RALY: variants seen among roughly 807,000 people sequenced by gnomAD.
RALY encodes the protein RNA-binding protein Raly.
Under a neutral mutation model 30.7 loss-of-function variants are expected in RALY, and 15 were observed. That is an observed-to-expected ratio of 0.49 (90% CI 0.33 to 0.75). The LOEUF (loss-of-function observed/expected upper bound fraction) is 0.75. Among genes scored for constraint, RALY ranks in the 30% least tolerant of loss-of-function variants. RALY has a pLI of 0.02. For missense variants in RALY, 339 were observed against 414.3 expected, an observed-to-expected ratio of 0.82 and a Z score of 1.58; for synonymous variants, 177 against 170.8, an observed-to-expected ratio of 1.04 and a Z score of -0.28.
intron 1 of RALY, among the ~76,000 whole-genome samples, chr20:34,025,690 A>ATTTT (rs1407375037): frequency 3.3e-5 from 5 of 151,764 alleles, no homozygotes; most frequent in Admixed American, 6.6e-5. Flanking sequence ...CTATTTTAAA[A>ATTTT]AAAAAAAAAA....
chr20:34,020,675 G>A (rs144464344), intron 1 of RALY, among the ~76,000 whole-genome samples: 1 of 152,348 alleles, frequency 6.6e-6, no homozygotes, highest in East Asian at 1.9e-4. Flanking sequence ...GTTCATCCAT[G>A]ATTGCTTTTG....
chr20:33,995,454 T>G (rs2122950050), intron 1 of RALY, among the ~76,000 whole-genome samples: 1 of 152,322 alleles, frequency 6.6e-6, no homozygotes, highest in South Asian at 2.1e-4. Flanking sequence ...TTCAAACAAA[T>G]ATTACTCCTA....
rs1346287796 is a variant in RALY, at chr20:34,078,386, T to C, written c.877-119T>C. Reference sequence around the variant, plus strand: ...ATTCCCCTTGGCTGTTCCTGCGTCTTCTGACTGTGTCCTCTAGATGCCCTC... The same window carrying C: ...ATTCCCCTTGGCTGTTCCTGCGTCTCCTGACTGTGTCCTCTAGATGCCCTC... On this transcript the variant is annotated intron_variant, in intron 8 of 9. Transcript: ENST00000246194. 3 of 855,492 alleles carry C rather than the reference T, an allele frequency of 3.5e-6. No individual in the cohort carries two copies. In the Admixed American group the frequency reaches 1.1e-4, roughly 31 times the overall value. 53.0% of individuals were successfully genotyped at this position (855,492 alleles called of 1,614,324 possible).
rs948419467 is a variant in RALY at position 34,023,222 on chromosome 20, A to G, written c.-92-8300A>G. ...TTCTGAGGTAGGTGATTTAATCACC[A>G]TTTTACAAATGTGAGGACTTAAGTT... On this transcript the variant is annotated intron_variant, in intron 1 of 9. Transcript: ENST00000246194. Among the ~76,000 whole-genome samples the G allele has an allele frequency of 6.6e-5, 10 of 152,310 alleles. No individual in the cohort carries two copies. The East Asian group carries it at 1.7e-3, about 26-fold the overall frequency.
chr20:34,015,353 C>G (rs879870881), intron 1 of RALY, among the ~76,000 whole-genome samples: 5 of 151,468 alleles, frequency 3.3e-5, no homozygotes, highest in Admixed American at 3.3e-4. Flanking sequence ...TTAAATCTCC[C>G]CCTTTCTCCA....
In RALY at chr20:34,075,870, A is replaced by C. The variant is rs1282358288; in HGVS notation, c.378-4A>C. 1 of 1,611,526 alleles carries C rather than the reference A, an allele frequency of 6.2e-7. No individual in the cohort carries two copies. The highest frequency in any genetic ancestry group is 8.5e-7 in the Non-Finnish European group (1 of 1,178,360). On this transcript the variant is annotated splice_region_variant and splice_polypyrimidine_tract_variant and intron_variant, in intron 5 of 9. Coordinates refer to ENST00000246194, the MANE Select transcript of RALY (RefSeq NM_016732.3). The stretch of plus-strand genomic sequence containing the variant: ...TGCAGCCTCTGGCCCATCTGCCCTC[A>C]CAGGCTCTTCGACTACCGGGGCCGT...
intron 1 of RALY, among the ~76,000 whole-genome samples, chr20:34,014,558 A>C (rs2031535175): frequency 6.6e-6 from 1 of 152,122 alleles, no homozygotes; most frequent in African/African-American, 2.4e-5. Context: ...ATTTGGGTGG[A>C]GTATTATGTT....
At chr20:34,049,668 A>G (rs965709898) in intron 2 of RALY, among the ~76,000 whole-genome samples, 4 of 152,198 alleles carry the variant, frequency 2.6e-5, no homozygotes, top group East Asian at 1.9e-4. Context: ...GTGGATTTCA[A>G]AACACTTTTG....
intron 5 of RALY, among the ~76,000 whole-genome samples, chr20:34,074,337 G>A (rs961967711): frequency 1.3e-5 from 2 of 152,138 alleles, no homozygotes; most frequent in African/African-American, 4.8e-5. Flanking sequence ...GCGGGCTGTG[G>A]TCTACCCTGC....
At chr20:34,068,084 A>T (rs138771355) in intron 2 of RALY, among the ~76,000 whole-genome samples, 1 of 152,110 alleles carries the variant, frequency 6.6e-6, no homozygotes, top group Non-Finnish European at 1.5e-5. Context: ...CTGACATTGC[A>T]GAAGTCTCTA....
At chr20:34,005,938 G>A (rs1285512052) in intron 1 of RALY, among the ~76,000 whole-genome samples, 1 of 152,164 alleles carries the variant, frequency 6.6e-6, no homozygotes, top group Non-Finnish European at 1.5e-5. Context: ...GCTCATTTCT[G>A]TTTAATGCTG....
At chr20:34,068,749 A>G (rs1252213453) in intron 2 of RALY, among the ~76,000 whole-genome samples, 1 of 152,196 alleles carries the variant, frequency 6.6e-6, no homozygotes, top group Non-Finnish European at 1.5e-5. Flanking sequence ...CAGTTCAGGG[A>G]GACCTAGCCT....
intron 1 of RALY, among the ~76,000 whole-genome samples, chr20:34,027,109 C>A (rs1321702626): frequency 6.6e-6 from 1 of 152,138 alleles, no homozygotes; most frequent in Admixed American, 6.5e-5. Flanking sequence ...ACACAACCCC[C>A]ACTCCCTCCA....
At chr20:34,058,131 G>A (rs1452032139) in intron 2 of RALY, among the ~76,000 whole-genome samples, 2 of 152,074 alleles carry the variant, frequency 1.3e-5, no homozygotes, top group East Asian at 1.9e-4. Flanking sequence ...CAATGACAAG[G>A]GGGAAAGACC....
intron 2 of RALY, among the ~76,000 whole-genome samples, chr20:34,063,777 C>T (rs1013241895): frequency 6.6e-6 from 1 of 152,138 alleles, no homozygotes; most frequent in African/African-American, 2.4e-5. Flanking sequence ...TTGTTCCTCC[C>T]TCCTGCCAGG....
intron 2 of RALY, among the ~76,000 whole-genome samples, chr20:34,039,685 G>C (rs1457450520): frequency 1.3e-5 from 2 of 152,148 alleles, no homozygotes; most frequent in Non-Finnish European, 2.9e-5. Flanking sequence ...TGGTTCACCT[G>C]ATCCTACTCC....
chr20:34,008,768 C>T (rs2031273709), intron 1 of RALY, among the ~76,000 whole-genome samples: 1 of 152,176 alleles, frequency 6.6e-6, no homozygotes, highest in Non-Finnish European at 1.5e-5. Flanking sequence ...AAGCTATCCT[C>T]ACGCCTCAGT....
chr20:34,067,110 C>T (rs1185663675), intron 2 of RALY, among the ~76,000 whole-genome samples: 4 of 152,184 alleles, frequency 2.6e-5, no homozygotes, highest in Non-Finnish European at 2.9e-5. Flanking sequence ...CTCAGTTTCC[C>T]TATGTCAAAC....
chr20:34,045,625 C>T (rs1227390024), intron 2 of RALY, among the ~76,000 whole-genome samples: 1 of 152,226 alleles, frequency 6.6e-6, no homozygotes, highest in Non-Finnish European at 1.5e-5. Context: ...CCTTCCTTTG[C>T]TCTCTGCCAT....
Sources: allele counts gnomAD v4.1 joint callset (sites outside exome capture counted in the v4.1 genomes callset), GRCh38; gene constraint gnomAD v4.1.1; transcripts MANE v1.5; gene names NCBI Gene and HGNC (gene_info 2026-07-23, HGNC 2026-07-21).